The following C2orf42 variants were observed in gnomAD, a reference collection of about 807,000 sequenced individuals.
The protein encoded by C2orf42 is chromosome 2 open reading frame 42.
In C2orf42, 44 loss-of-function variants were observed where a neutral mutation model predicts 58.9. The observed-to-expected ratio is 0.75, with a 90% CI of 0.59 to 0.96. The LOEUF is 0.96. Ranked by LOEUF, C2orf42 falls within the 40% of genes least tolerant of loss-of-function variation. The pLI is 0.00. For synonymous variants in C2orf42, 239 were observed against 265.4 expected (o/e 0.90, Z 0.97); for missense variants, 630 against 699.2 (o/e 0.90, Z 1.12).
chr2:70,183,088 T>C (rs990312893), intron 1 of C2orf42, among the ~76,000 whole-genome samples, 153 bp from the exon 2 acceptor site: 2 of 152,170 alleles, frequency 1.3e-5, no homozygotes, highest in South Asian at 4.1e-4. Flanking sequence ...TGTTTTGTAC[T>C]TCCAACTGTA....
chr2:70,179,649 A>G lies in C2orf42; in HGVS notation c.824-7T>C, dbSNP rs749583797. The stretch of plus-strand genomic sequence containing the variant: ...ACAATAATCTCTTTAAGACCTAAAA[A>G]AAAGAAGATTTCTGAATTATTAATC... On this transcript the variant is annotated splice_region_variant and splice_polypyrimidine_tract_variant and intron_variant, in intron 3 of 9. Transcript: ENST00000264434. 1 of 1,170,904 alleles carries G rather than the reference A, an allele frequency of 8.5e-7. No individual in the cohort carries two copies. 72.5% of individuals were successfully genotyped at this position (1,170,904 alleles called of 1,614,324 possible).
At chr2:70,158,974 C>T (rs951395254) in intron 9 of C2orf42, among the ~76,000 whole-genome samples, 4 of 142,058 alleles carry the variant, frequency 2.8e-5, no homozygotes, top group East Asian at 2.1e-4. Flanking sequence ...TGCAGTGGCG[C>T]GATCTCGGCT....
intron 3 of C2orf42, among the ~76,000 whole-genome samples, chr2:70,179,896 G>A (rs151011397): frequency 2.0e-5 from 3 of 152,122 alleles, no homozygotes; most frequent in East Asian, 1.9e-4. Flanking sequence ...CCGTGATTAT[G>A]TCACTGCATG....
chr2:70,165,694 C>T (rs2104888191), intron 6 of C2orf42, 59 bp from the exon 7 acceptor site: 1 of 889,134 alleles, frequency 1.1e-6, no homozygotes. Context: ...TTCTGATGTA[C>T]AGGGAGAGGT....
At position 70,181,473 on chromosome 2, in the gene C2orf42, C is replaced by T. The variant is rs1365698228; in HGVS notation, c.513G>A (p.Gln171=). Residue 171 remains glutamine (Q), a synonymous_variant, in exon 3 of 10, where the codon CAG becomes CAA. Coordinates refer to ENST00000264434, the MANE Select transcript of C2orf42 (RefSeq NM_017880.3). ...GAGGACCTGTGGGTTCCGTGGCCAA[C>T]TGCCAGATGGTCTGTTTGGTTTCCG... is the stretch of plus-strand genomic sequence containing the variant. ...ASPETKQTIW[Q]LATEPTGPLV... is the part of the protein sequence containing the mutation. 2 of 1,613,912 alleles carry T rather than the reference C, an allele frequency of 1.2e-6. No homozygotes were observed. Among genetic ancestry groups the T allele is most frequent in the African/African-American group, 1.3e-5 (1 of 75,040 alleles).
At chr2:70,185,732 T>TAC (rs752766781) in intron 1 of C2orf42, among the ~76,000 whole-genome samples, 24 of 149,376 alleles carry the variant, frequency 1.6e-4, no homozygotes, top group Admixed American at 2.7e-4. Context: ...TATATATATA[T>TAC]ACACACACAC....
chr2:70,180,300 T>C (rs1674467836), intron 3 of C2orf42, among the ~76,000 whole-genome samples: 2 of 151,314 alleles, frequency 1.3e-5, no homozygotes, highest in Non-Finnish European at 2.9e-5. Context: ...TCAATAAATA[T>C]ATAAATAAAT....
At chr2:70,150,633 AG>A in intron 9 of C2orf42, 69 bp from the exon 10 acceptor site, 1 of 1,175,966 alleles carries the variant, frequency 8.5e-7, no homozygotes, top group South Asian at 1.2e-5. Context: ...TTGCAAAAAA[AG>A]TGTCCGGAAT....
At chr2:70,176,033 G>A (rs1243632774) in intron 4 of C2orf42, among the ~76,000 whole-genome samples, 1 of 152,100 alleles carries the variant, frequency 6.6e-6, no homozygotes, top group African/African-American at 2.4e-5. Context: ...AGACAATTAC[G>A]ATGACTTTTC....
intron 1 of C2orf42, among the ~76,000 whole-genome samples, chr2:70,184,479 ATTTTTTTTT>A (rs771522645): frequency 2.6e-5 from 2 of 77,356 alleles, no homozygotes; most frequent in East Asian, 4.1e-4. Flanking sequence ...GCCTGGCCCT[ATTTTTTTTT>A]TTTTTTTTTT....
rs57668419 is a variant in C2orf42, at chr2:70,156,861, C to CAA, written c.1516+3762_1516+3763dup. ...TGGGTAACAGGGCAAGACCCTATCT[C>CAA]AAAAAAAAAAAAAGAGTAAAATTTA... On this transcript the variant is annotated intron_variant, in intron 9 of 9. Coordinates refer to ENST00000264434, the MANE Select transcript of C2orf42 (RefSeq NM_017880.3). Among the ~76,000 whole-genome samples the CAA allele has an allele frequency of 1.8e-3, 214 of 117,760 alleles. 1 individual carries two copies. The highest frequency in any genetic ancestry group is 5.2e-3 in the African/African-American group (181 of 35,026). 77.3% of individuals were successfully genotyped at this position (117,760 alleles called of 152,430 possible). A position where few individuals can be genotyped will look rare whatever the true frequency, so the allele number is the denominator to read the frequency against.
rs756124141 is a variant in C2orf42, at chr2:70,181,359, C to T, written c.627G>A (p.Val209=). 1 of 1,614,102 alleles carries T rather than the reference C, an allele frequency of 6.2e-7. No individual in the cohort carries two copies. Among genetic ancestry groups the T allele is most frequent in the Non-Finnish European group, 8.5e-7 (1 of 1,179,988 alleles). The change falls in exon 3 of 10, where the codon GTG becomes GTA. Residue 209 remains valine, a synonymous_variant. Transcript: ENST00000264434. The part of the protein sequence containing the change: ...HSLGYLHTSF[V]QKVSGKSLPE... Reference sequence around the variant, plus strand: ...GCAAGCTTTTGCCACTGACTTTCTGCACAAAAGATGTATGCAAATACCCCA... The same window carrying T: ...GCAAGCTTTTGCCACTGACTTTCTGTACAAAAGATGTATGCAAATACCCCA...
chr2:70,183,283 T>A (rs1674696879), intron 1 of C2orf42, among the ~76,000 whole-genome samples: 1 of 151,856 alleles, frequency 6.6e-6, no homozygotes, highest in Non-Finnish European at 1.5e-5. Context: ...TAAAAAAATT[T>A]AAAAATTAGC....
rs1572953749 is a variant in C2orf42, at chr2:70,150,166, C to T, written c.*190G>A. On this transcript the variant is annotated 3_prime_UTR_variant, in exon 10 of 10. Coordinates refer to ENST00000264434, the MANE Select transcript of C2orf42 (RefSeq NM_017880.3). ...AATGCATAATGAAGACTGTACACAGCAGCATCAAAAAGGCTATTTACAAGA... is the reference window on the plus strand; with the variant it reads ...AATGCATAATGAAGACTGTACACAGTAGCATCAAAAAGGCTATTTACAAGA... 3.3e-6 allele frequency: 2 copies of T among 607,522 alleles called. No homozygotes were observed. The highest frequency in any genetic ancestry group is 5.5e-5 in the East Asian group (2 of 36,208). The allele number at this position is 607,522 out of a possible 1,614,324, so 37.6% of individuals were successfully genotyped here. A position where few individuals can be genotyped will look rare whatever the true frequency, so the allele number is the denominator to read the frequency against.
At chr2:70,182,102 T>C (rs1674620531) in intron 2 of C2orf42, 105 bp from the exon 3 acceptor site, 2 of 633,534 alleles carry the variant, frequency 3.2e-6, no homozygotes, top group Non-Finnish European at 2.7e-6. Context: ...AAAAGCTATC[T>C]ACTATTTTTT....
chr2:70,181,023 AAAAAG>A, intron 3 of C2orf42, 135 bp downstream of exon 3: 15 of 511,886 alleles, frequency 2.9e-5, no homozygotes, highest in East Asian at 6.3e-5. Flanking sequence ...AAAAAAAAAA[AAAAAG>A]AAGGAACACT....
chr2:70,169,634 T>C lies in C2orf42; in HGVS notation c.1067A>G (p.Gln356Arg). ...CCAGTCTTGGAAGGATAAAGTCACT[T>C]GTGCCTCATCTAACAGCTGACCACA... ...QACGQLLDEAQVTLSFQDWLA... is the reference protein window; with the variant it reads ...QACGQLLDEARVTLSFQDWLA... The change falls in exon 6 of 10, where the codon CAA becomes CGA. Residue 356 changes from glutamine to arginine, a missense_variant. By Grantham distance (43) the Gln-to-Arg change is conservative (BLOSUM62 1). Transcript: ENST00000264434. The C allele has an allele frequency of 6.2e-7, 1 of 1,608,534 alleles. No homozygotes were observed. The highest frequency in any genetic ancestry group is 8.5e-7 in the Non-Finnish European group (1 of 1,175,026).
intron 9 of C2orf42, among the ~76,000 whole-genome samples, chr2:70,151,507 T>C (rs1672308047): frequency 6.6e-6 from 1 of 151,638 alleles, no homozygotes; most frequent in East Asian, 2.0e-4. Flanking sequence ...GGTAGCATGC[T>C]CCTGTAATCC....
At chr2:70,175,924 A>T in intron 4 of C2orf42, 147 bp from the exon 5 acceptor site, 1 of 598,950 alleles carries the variant, frequency 1.7e-6, no homozygotes, top group Non-Finnish European at 3.0e-6. Flanking sequence ...ATTAGTCTTT[A>T]CACATAAAAT....
Sources: allele counts gnomAD v4.1 joint callset (sites outside exome capture counted in the v4.1 genomes callset), GRCh38; gene constraint gnomAD v4.1.1; transcripts MANE v1.5; gene names NCBI Gene and HGNC (gene_info 2026-07-23, HGNC 2026-07-21).